The following TBC1D30 variants were observed in gnomAD, a reference collection of about 807,000 sequenced individuals.
TBC1D30 encodes TBC1 domain family member 30, also known as TBC1 domain family, member 30.
In TBC1D30, 31 loss-of-function variants were observed where a neutral mutation model predicts 63.2. That is an observed-to-expected ratio of 0.49 (90% confidence interval 0.37 to 0.66). TBC1D30 has a LOEUF of 0.66. Ranked by LOEUF, TBC1D30 falls within the 30% of genes least tolerant of loss-of-function variation. The pLI is 0.00. For synonymous variants in TBC1D30, 307 were observed against 361.5 expected (o/e 0.85, Z 1.71); for missense variants, 810 against 953.6 (o/e 0.85, Z 1.98).
At position 64,877,415 on chromosome 12, in the gene TBC1D30, A is replaced by C. The variant is rs1592673675; in HGVS notation, c.*1627A>C. 6.5e-6 allele frequency: 1 copy of C among 153,140 alleles called. No homozygotes were observed. Among genetic ancestry groups the C allele is most frequent in the African/African-American group, 2.4e-5 (1 of 41,462 alleles). The allele number at this position is 153,140 out of a possible 1,614,324, so 9.5% of individuals were successfully genotyped here. A position where few individuals can be genotyped will look rare whatever the true frequency, so the allele number is the denominator to read the frequency against. The stretch of plus-strand genomic sequence containing the variant: ...TACTATGAGAGGTACTACTTTTTAT[A>C]ATAGAGAATGTGGTTGTGTGGGCTT... On this transcript the variant is annotated 3_prime_UTR_variant, in exon 12 of 12. Coordinates refer to ENST00000539867, the MANE Select transcript of TBC1D30 (RefSeq NM_015279.2).
At chr12:64,789,886 T>C (rs1158529025) in intron 2 of TBC1D30, among the ~76,000 whole-genome samples, 3 of 152,230 alleles carry the variant, frequency 2.0e-5, no homozygotes, top group Non-Finnish European at 4.4e-5. Flanking sequence ...ACTGAGTACA[T>C]GCTTTATGCC....
At chr12:64,825,285 C>G in intron 1 of TBC1D30, 1 of 446,078 alleles carries the variant, frequency 2.2e-6, no homozygotes, top group Non-Finnish European at 3.9e-6. Flanking sequence ...CCCCGCGGAC[C>G]CCCACCCTGC....
At chr12:64,829,200 G>A (rs1874628131) in intron 3 of TBC1D30, among the ~76,000 whole-genome samples, 1 of 152,152 alleles carries the variant, frequency 6.6e-6, no homozygotes, top group Admixed American at 6.5e-5. Context: ...GGAGTGACAT[G>A]ATCTGACTTT....
intron 2 of TBC1D30, among the ~76,000 whole-genome samples, chr12:64,807,918 G>GTGTTTTTTT (rs777402054): frequency 1.1e-5 from 1 of 93,526 alleles, no homozygotes; most frequent in African/African-American, 5.5e-5. Context: ...CCTAATTTAA[G>GTGTTTTTTT]TTTTTTTTTT....
intron 11 of TBC1D30, among the ~76,000 whole-genome samples, chr12:64,873,639 G>A (rs1878824940): frequency 6.6e-6 from 1 of 152,140 alleles, no homozygotes; most frequent in African/African-American, 2.4e-5. Flanking sequence ...GAGCCTGAGA[G>A]CTAGAAGAGC....
intron 1 of TBC1D30, among the ~76,000 whole-genome samples, chr12:64,763,610 A>AT (rs201141708): frequency 0.012 from 1,687 of 140,894 alleles, 8 homozygotes; most frequent in African/African-American, 0.018. Context: ...TATCCTATTA[A>AT]TTTTTTTTTT....
chr12:64,817,852 C>T (rs1453943561), intron 2 of TBC1D30, among the ~76,000 whole-genome samples: 1 of 152,118 alleles, frequency 6.6e-6, no homozygotes, highest in Non-Finnish European at 1.5e-5. Flanking sequence ...CATTTGAGGT[C>T]AAGAGTTCGA....
intron 2 of TBC1D30, among the ~76,000 whole-genome samples, chr12:64,811,230 T>A (rs1373620814): frequency 6.6e-6 from 1 of 152,212 alleles, no homozygotes; most frequent in African/African-American, 2.4e-5. Flanking sequence ...TAAAGCATTT[T>A]AAAAAAGTCT....
intron 2 of TBC1D30, among the ~76,000 whole-genome samples, chr12:64,803,500 T>G (rs1030351527): frequency 6.6e-6 from 1 of 152,226 alleles, no homozygotes; most frequent in African/African-American, 2.4e-5. Flanking sequence ...CTCTTTAGTT[T>G]AATTAGATCC....
rs1305837054 is a variant in TBC1D30, at chr12:64,824,960, C to A, written c.81C>A (p.Ile27=). The change falls in exon 1 of 12, where the codon ATC becomes ATA. Residue 27 remains isoleucine (I), a synonymous_variant. Transcript: ENST00000539867. ...GGCAGGGCGGCGGCGTGGGCACCAT[C>A]CTGAGCAATGTGCTCAAGAAGCGCA... ...LKRQGGGVGT[I]LSNVLKKRSC... is the part of the protein sequence containing the mutation. The A allele has an allele frequency of 6.5e-7, 1 of 1,534,914 alleles. No individual in the cohort carries two copies. Among genetic ancestry groups the A allele is most frequent in the South Asian group, 1.2e-5 (1 of 83,942 alleles).
intron 1 of TBC1D30, among the ~76,000 whole-genome samples, chr12:64,784,352 T>C (rs1007439411): frequency 6.6e-6 from 1 of 152,090 alleles, no homozygotes; most frequent in Non-Finnish European, 1.5e-5. Flanking sequence ...GCATTTTCCA[T>C]GGTGAGGTCA....
chr12:64,768,771 G>A (rs528215059), intron 1 of TBC1D30, among the ~76,000 whole-genome samples: 1 of 152,282 alleles, frequency 6.6e-6, no homozygotes, highest in African/African-American at 2.4e-5. Flanking sequence ...TTTTGAGAAG[G>A]ATCTTTCTTC....
At chr12:64,780,837 G>A (rs958208131) in exon 1 of TBC1D30, 2 of 997,474 alleles carry the variant, frequency 2.0e-6, no homozygotes, top group Admixed American at 6.1e-5. Context: ...GGCGGGGGCC[G>A]CCCGGGGCTC....
At chr12:64,792,015 T>C (rs1017321613) in intron 2 of TBC1D30, among the ~76,000 whole-genome samples, 3 of 152,230 alleles carry the variant, frequency 2.0e-5, no homozygotes, top group Admixed American at 6.5e-5. Flanking sequence ...TTTGCAGGCA[T>C]AAAATTATTA....
In TBC1D30 at chr12:64,830,329, G is replaced by A. The variant is rs969362541; in HGVS notation, c.283-48G>A. 19 of 1,479,672 alleles carry A rather than the reference G, an allele frequency of 1.3e-5. No individual in the cohort carries two copies. The East Asian group carries it at 4.5e-4, about 35-fold the overall frequency. The allele number at this position is 1,479,672 out of a possible 1,614,324, so 91.7% of individuals were successfully genotyped here. ...ATAACTACTTTCTAATAAAGGTGAA[G>A]TTATATATTCTACTTTGGCATTCTC... On this transcript the variant is annotated intron_variant, in intron 3 of 11. Coordinates refer to ENST00000539867, the MANE Select transcript of TBC1D30 (RefSeq NM_015279.2).
intron 1 of TBC1D30, among the ~76,000 whole-genome samples, chr12:64,767,456 A>G (rs565060859): frequency 6.6e-6 from 1 of 152,242 alleles, no homozygotes; most frequent in South Asian, 2.1e-4. Flanking sequence ...AATCAATATG[A>G]CTACAGGTAA....
At chr12:64,771,003 C>T (rs2620709) in intron 1 of TBC1D30, among the ~76,000 whole-genome samples, 81,792 of 151,640 alleles carry the variant, frequency 0.54, 22,901 homozygotes, top group East Asian at 0.89. Flanking sequence ...TGAGCCACCA[C>T]GCCCGGCCAA....
At chr12:64,831,655 T>A (rs1357881272) in intron 4 of TBC1D30, among the ~76,000 whole-genome samples, 1 of 152,208 alleles carries the variant, frequency 6.6e-6, no homozygotes, top group Non-Finnish European at 1.5e-5. Flanking sequence ...TATAATCACA[T>A]TTTTTGCTAT....
chr12:64,793,128 C>T (rs1005132025), intron 2 of TBC1D30, among the ~76,000 whole-genome samples: 1 of 151,834 alleles, frequency 6.6e-6, no homozygotes, highest in African/African-American at 2.4e-5. Flanking sequence ...ATTGCTTGAG[C>T]TTGCGAGTGG....
Sources: allele counts gnomAD v4.1 joint callset (sites outside exome capture counted in the v4.1 genomes callset), GRCh38; gene constraint gnomAD v4.1.1; transcripts MANE v1.5; gene names NCBI Gene and HGNC (gene_info 2026-07-23, HGNC 2026-07-21).